Variants in SMYD3 observed in about 807,000 individuals in gnomAD.
The protein encoded by SMYD3 is SET and MYND domain containing 3.
A neutral mutation model predicts 57.7 loss-of-function variants in SMYD3; 36 were observed. That is an observed-to-expected ratio of 0.62 (90% CI 0.48 to 0.82). The LOEUF (loss-of-function observed/expected upper bound fraction) is 0.82. Ranked by LOEUF, SMYD3 falls within the 40% of genes least tolerant of loss-of-function variation. The pLI, the probability that SMYD3 is intolerant of heterozygous loss-of-function variation, is 0.00. For missense variants in SMYD3, 515 were observed against 538.8 expected (o/e 0.96, Z 0.44); for synonymous variants, 211 against 195.0 (o/e 1.08, Z -0.68).
At chr1:246,353,474 G>C (rs2065864816) in intron 2 of SMYD3, among the ~76,000 whole-genome samples, 2 of 152,088 alleles carry the variant, frequency 1.3e-5, no homozygotes, top group Non-Finnish European at 1.5e-5. Flanking sequence ...AGACTGCAGT[G>C]AACTTGATAA....
At chr1:245,790,917 T>C (rs2047241407) in intron 10 of SMYD3, among the ~76,000 whole-genome samples, 1 of 152,196 alleles carries the variant, frequency 6.6e-6, no homozygotes, top group South Asian at 2.1e-4. Context: ...ACTTTTCAGT[T>C]GCAAAATATT....
chr1:246,312,442 A>G (rs2065095402), intron 5 of SMYD3, among the ~76,000 whole-genome samples: 1 of 152,152 alleles, frequency 6.6e-6, no homozygotes, highest in South Asian at 2.1e-4. Flanking sequence ...AAATAAAACA[A>G]TAGAGTCAAG....
intron 10 of SMYD3, among the ~76,000 whole-genome samples, chr1:245,816,597 A>G (rs926850568): frequency 2.0e-5 from 3 of 150,984 alleles, no homozygotes; most frequent in Non-Finnish European, 2.9e-5. Context: ...AGCGTGAGTG[A>G]CATAGAAGAC....
At chr1:246,069,034 C>A (rs1158394183) in intron 5 of SMYD3, among the ~76,000 whole-genome samples, 2 of 152,182 alleles carry the variant, frequency 1.3e-5, no homozygotes, top group African/African-American at 4.8e-5. Context: ...TGGCTCTCAT[C>A]TGAAAATATA....
chr1:246,481,799 C>A (rs891746096), intron 1 of SMYD3, among the ~76,000 whole-genome samples: 21 of 142,454 alleles, frequency 1.5e-4, no homozygotes, highest in African/African-American at 3.5e-4. Flanking sequence ...AGAGAGAGAT[C>A]GATCGATCGA....
chr1:246,168,608 A>G (rs1225538588), intron 5 of SMYD3, among the ~76,000 whole-genome samples: 4 of 152,150 alleles, frequency 2.6e-5, no homozygotes, highest in African/African-American at 4.8e-5. Flanking sequence ...AAGCTGCTGT[A>G]CTTTATAATT....
intron 5 of SMYD3, among the ~76,000 whole-genome samples, chr1:246,088,463 A>G (rs2060761623): frequency 7.2e-6 from 1 of 139,244 alleles, no homozygotes; most frequent in African/African-American, 3.0e-5. Context: ...CAAAAAAATT[A>G]GCCGGGCGTG....
chr1:246,334,421 C>T (rs996344151), intron 3 of SMYD3, among the ~76,000 whole-genome samples: 2 of 152,152 alleles, frequency 1.3e-5, no homozygotes, highest in Admixed American at 1.3e-4. Flanking sequence ...AACATGAATG[C>T]AGTTGGAGGG....
At chr1:246,431,623 G>C (rs367877194) in intron 1 of SMYD3, among the ~76,000 whole-genome samples, 1 of 152,222 alleles carries the variant, frequency 6.6e-6, no homozygotes, top group East Asian at 1.9e-4. Flanking sequence ...CCAGCTACTC[G>C]GGGGAGGCTG....
chr1:245,897,419 A>G (rs2053892754), intron 8 of SMYD3, among the ~76,000 whole-genome samples: 1 of 152,230 alleles, frequency 6.6e-6, no homozygotes, highest in South Asian at 2.1e-4. Flanking sequence ...AAAAAATCAA[A>G]ATAAGAAATG....
At chr1:245,873,222 T>C (rs889929451) in intron 8 of SMYD3, among the ~76,000 whole-genome samples, 1 of 152,180 alleles carries the variant, frequency 6.6e-6, no homozygotes. Context: ...CCTCCCCCCA[T>C]ACTGGAAAGG....
chr1:246,507,225 C>T lies in SMYD3; in HGVS notation c.-8G>A, dbSNP rs1436572699. The T allele has an allele frequency of 1.3e-6, 2 of 1,513,826 alleles. No individual in the cohort carries two copies. The highest frequency in any genetic ancestry group is 1.8e-6 in the Non-Finnish European group (2 of 1,128,634). 93.8% of individuals were successfully genotyped at this position (1,513,826 alleles called of 1,614,324 possible). On this transcript the variant is annotated 5_prime_UTR_variant, in exon 1 of 12. Coordinates refer to ENST00000490107, the MANE Select transcript of SMYD3 (RefSeq NM_001167740.2). ...CACCTTCAGCGGCTCCATCCTCCCG[C>T]AGCTCCGGCACCTCAGACGGCTACC...
chr1:246,160,575 T>G (rs2062100556), intron 5 of SMYD3, among the ~76,000 whole-genome samples: 1 of 152,300 alleles, frequency 6.6e-6, no homozygotes, highest in East Asian at 1.9e-4. Context: ...CTCTGCATAA[T>G]CAAGGAAAGG....
intron 10 of SMYD3, among the ~76,000 whole-genome samples, chr1:245,846,668 C>T (rs1572499617): frequency 1.3e-5 from 2 of 152,310 alleles, no homozygotes; most frequent in East Asian, 3.9e-4. Flanking sequence ...GAAGGACAAG[C>T]AAGTTGCTTG....
At chr1:245,854,673 C>T (rs2051144120) in intron 10 of SMYD3, among the ~76,000 whole-genome samples, 1 of 152,044 alleles carries the variant, frequency 6.6e-6, no homozygotes, top group South Asian at 2.1e-4. Context: ...AATCCCCACT[C>T]CTCCATACAC....
intron 5 of SMYD3, among the ~76,000 whole-genome samples, chr1:246,081,031 T>A (rs1038899323): frequency 2.0e-5 from 3 of 147,980 alleles, no homozygotes; most frequent in African/African-American, 8.0e-5. Flanking sequence ...ACAGATAAGT[T>A]ACCACTTTGT....
intron 5 of SMYD3, chr1:246,096,157 C>T (rs1270028028): frequency 1.3e-5 from 2 of 152,090 alleles, no homozygotes; most frequent in East Asian, 3.9e-4. Flanking sequence ...GCAAAAGCAT[C>T]CTCTGTTTAA....
intron 1 of SMYD3, among the ~76,000 whole-genome samples, chr1:246,365,562 C>T (rs1013228619): frequency 1.4e-5 from 2 of 140,060 alleles, no homozygotes. Flanking sequence ...GGGTTAAAAA[C>T]AAGGGAATTC....
chr1:245,806,722 A>G (rs2048169907), intron 10 of SMYD3, among the ~76,000 whole-genome samples: 2 of 151,398 alleles, frequency 1.3e-5, no homozygotes, highest in East Asian at 1.9e-4. Context: ...CATCCTGGCT[A>G]ACAAGGTGAA....
Sources: allele counts gnomAD v4.1 joint callset (sites outside exome capture counted in the v4.1 genomes callset), GRCh38; gene constraint gnomAD v4.1.1; transcripts MANE v1.5; gene names NCBI Gene and HGNC (gene_info 2026-07-23, HGNC 2026-07-21).